Variants in GRIA1 observed in about 807,000 individuals in gnomAD.
GRIA1 encodes glutamate receptor 1.
GRIA1 carries 31 observed loss-of-function variants against 99.2 expected under a neutral mutation model. The ratio of observed to expected loss-of-function variants is 0.31; its 90% CI spans 0.23 to 0.42. The LOEUF (loss-of-function observed/expected upper bound fraction) is 0.42. Ranked by LOEUF, GRIA1 falls within the 10% of genes least tolerant of loss-of-function variation. The probability of loss-of-function intolerance (pLI) is 1.00; values close to 1 mark genes in which losing one functional copy is unlikely to be tolerated. For missense variants in GRIA1, 782 were observed against 1,157.5 expected (o/e 0.68, Z 4.71); for synonymous variants, 438 against 432.4 (o/e 1.01, Z -0.16).
chr5:153,549,797 G>C (rs905810608), intron 2 of GRIA1, among the ~76,000 whole-genome samples: 5 of 152,130 alleles, frequency 3.3e-5, no homozygotes, highest in Admixed American at 1.3e-4. Flanking sequence ...GAGATAGAAG[G>C]GTGGCTTGCA....
At chr5:153,719,179 G>A (rs772057898) in intron 11 of GRIA1, among the ~76,000 whole-genome samples, 6 of 152,176 alleles carry the variant, frequency 3.9e-5, no homozygotes, top group South Asian at 2.1e-4. Flanking sequence ...AGCTAAGAGC[G>A]TGGGCTCTGG....
chr5:153,517,035 G>A (rs1196283518), intron 2 of GRIA1, among the ~76,000 whole-genome samples: 2 of 152,120 alleles, frequency 1.3e-5, no homozygotes, highest in African/African-American at 4.8e-5. Context: ...GAGGCAGGAG[G>A]TGGGAGGAGA....
At chr5:153,799,373 C>T (rs963790361) in intron 14 of GRIA1, among the ~76,000 whole-genome samples, 6 of 152,182 alleles carry the variant, frequency 3.9e-5, no homozygotes, top group African/African-American at 1.4e-4. Flanking sequence ...CAGAGTGAGA[C>T]AAAGAGAGTC....
intron 11 of GRIA1, among the ~76,000 whole-genome samples, chr5:153,726,698 G>C (rs886285257): frequency 2.6e-5 from 4 of 152,176 alleles, no homozygotes; most frequent in Non-Finnish European, 4.4e-5. Flanking sequence ...GCAAGAAGTT[G>C]AATATCTGAG....
In GRIA1 at chr5:153,764,494, C is replaced by G. The variant is rs1474141658; in HGVS notation, c.1884C>G (p.Ser628=). Residue 628 remains serine (S), a synonymous_variant, in exon 12 of 16, where the codon TCC becomes TCG. Coordinates refer to ENST00000285900, the MANE Select transcript of GRIA1 (RefSeq NM_000827.4). ...GGTTCTTCACCTTAATCATCATCTC[C>G]TCATATACAGCCAATCTGGCCGCCT... ...VWWFFTLIII[S]SYTANLAAFL... 6.2e-7 allele frequency: 1 copy of G among 1,614,038 alleles called. No homozygotes were observed. The highest frequency in any genetic ancestry group is 8.5e-7 in the Non-Finnish European group (1 of 1,179,912).
chr5:153,677,177 T>C lies in GRIA1; in HGVS notation c.1029+16T>C. 7.0e-7 allele frequency: 1 copy of C among 1,432,190 alleles called. No individual in the cohort carries two copies. The highest frequency in any genetic ancestry group is 9.3e-7 in the Non-Finnish European group (1 of 1,078,438). The allele number at this position is 1,432,190 out of a possible 1,614,324, so 88.7% of individuals were successfully genotyped here. A position where few individuals can be genotyped will look rare whatever the true frequency, so the allele number is the denominator to read the frequency against. On this transcript the variant is annotated intron_variant, in intron 7 of 15. Coordinates refer to ENST00000285900, the MANE Select transcript of GRIA1 (RefSeq NM_000827.4). ...TCTGCAGCAGGTAAGACCACCAATG[T>C]TTGCCCCATCTCATAGGAGCCTACT... is the stretch of plus-strand genomic sequence containing the variant.
At chr5:153,794,858 C>T (rs551070037) in intron 14 of GRIA1, 123 bp downstream of exon 14, 2 of 640,066 alleles carry the variant, frequency 3.1e-6, no homozygotes, top group African/African-American at 3.7e-5. Flanking sequence ...AAATTAATGT[C>T]AAAGGGAAGC....
rs560482275 is a variant in GRIA1 at position 153,578,909 on chromosome 5, A to AAAAT, written c.221-67999_221-67996dup. Among the ~76,000 whole-genome samples the AAAAT allele has an allele frequency of 2.0e-4, 30 of 152,200 alleles. No individual in the cohort carries two copies. In the South Asian group the frequency reaches 4.0e-3, roughly 20 times the overall value. ...GGTGACAGAGGGAGACTCCATCTCA[A>AAAAT]AAATAAATAAATAAATAAATAAAAG... On this transcript the variant is annotated intron_variant, in intron 2 of 15. Transcript: ENST00000285900.
intron 2 of GRIA1, chr5:153,494,328 C>A: frequency 2.3e-6 from 1 of 435,784 alleles, no homozygotes; most frequent in Non-Finnish European, 4.1e-6. Context: ...GGGTTGACTG[C>A]ATCTTCCCTA....
chr5:153,528,047 G>C (rs1049206953), intron 2 of GRIA1, among the ~76,000 whole-genome samples: 2 of 152,112 alleles, frequency 1.3e-5, no homozygotes, highest in Non-Finnish European at 2.9e-5. Context: ...CATCTTTGTT[G>C]TAACCATGAA....
At chr5:153,761,888 C>T (rs1349556697) in intron 11 of GRIA1, among the ~76,000 whole-genome samples, 1 of 152,166 alleles carries the variant, frequency 6.6e-6, no homozygotes, top group Non-Finnish European at 1.5e-5. Flanking sequence ...ACCTAGAATA[C>T]ATTATGTTAA....
At chr5:153,792,731 C>A (rs1219370403) in intron 13 of GRIA1, among the ~76,000 whole-genome samples, 1 of 152,148 alleles carries the variant, frequency 6.6e-6, no homozygotes, top group Non-Finnish European at 1.5e-5. Flanking sequence ...CTCTCTCTCT[C>A]TCCTTTCTTT....
At chr5:153,619,249 A>G (rs887870486) in intron 2 of GRIA1, among the ~76,000 whole-genome samples, 5 of 152,222 alleles carry the variant, frequency 3.3e-5, no homozygotes, top group Non-Finnish European at 7.3e-5. Flanking sequence ...CCTATGAGTT[A>G]TTATACAAAA....
At position 153,490,979 on chromosome 5, in the gene GRIA1, G is replaced by A; in HGVS notation, c.82+9G>A. The A allele has an allele frequency of 2.5e-6, 4 of 1,613,210 alleles. No homozygotes were observed. Among genetic ancestry groups the A allele is most frequent in the Non-Finnish European group, 1.7e-6 (2 of 1,179,182 alleles). ...CAACAATATCCAGATCGGTGAGTGA[G>A]GGGGCAGCCTGGGGAGGGACTTTCT... On this transcript the variant is annotated intron_variant, in intron 1 of 15. Coordinates refer to ENST00000285900, the MANE Select transcript of GRIA1 (RefSeq NM_000827.4).
At chr5:153,618,216 A>G (rs574086501) in intron 2 of GRIA1, among the ~76,000 whole-genome samples, 1 of 152,218 alleles carries the variant, frequency 6.6e-6, no homozygotes, top group African/African-American at 2.4e-5. Flanking sequence ...CTAGTTAAGA[A>G]TGTACAACCT....
At chr5:153,709,216 T>C (rs532537213) in intron 11 of GRIA1, among the ~76,000 whole-genome samples, 8 of 152,206 alleles carry the variant, frequency 5.3e-5, no homozygotes, top group Non-Finnish European at 1.0e-4. Context: ...CACAGCACTA[T>C]GTTAGACACT....
intron 11 of GRIA1, among the ~76,000 whole-genome samples, chr5:153,751,259 T>C (rs538505816): frequency 7.2e-5 from 11 of 152,288 alleles, no homozygotes; most frequent in African/African-American, 2.6e-4. Context: ...TCTCTAAGGA[T>C]CACACAATAA....
intron 13 of GRIA1, among the ~76,000 whole-genome samples, chr5:153,785,458 T>G (rs942635082): frequency 6.6e-6 from 1 of 152,164 alleles, no homozygotes; most frequent in African/African-American, 2.4e-5. Context: ...CTTGACAATA[T>G]TTTATATTGC....
intron 2 of GRIA1, among the ~76,000 whole-genome samples, chr5:153,597,116 C>A (rs759021816): frequency 6.6e-5 from 10 of 152,190 alleles, no homozygotes; most frequent in South Asian, 2.1e-4. Context: ...GTTCACTCTG[C>A]GGGAGACTGA....
Sources: gnomAD v4.1 joint callset for allele counts (sites outside exome capture counted in the v4.1 genomes callset) on GRCh38, gnomAD v4.1.1 for gene constraint, MANE v1.5 for transcripts, NCBI Gene and HGNC (gene_info 2026-07-23, HGNC 2026-07-21) for gene names.